The following MRO variants were observed in gnomAD, a reference collection of about 807,000 sequenced individuals.
MRO encodes the protein maestro, also known as protein maestro.
In MRO, 28 loss-of-function variants were observed where a neutral mutation model predicts 31.0. The ratio of observed to expected loss-of-function variants is 0.90; its 90% CI spans 0.67 to 1.24. MRO has a LOEUF of 1.24. Among genes scored for constraint, MRO ranks in the 50% most tolerant of loss-of-function variants. The probability of loss-of-function intolerance (pLI) is 0.00; values close to 1 mark genes in which losing one functional copy is unlikely to be tolerated. For synonymous variants in MRO, 108 were observed against 108.4 expected, an observed-to-expected ratio of 1.00 and a Z score of 0.02; for missense variants, 332 against 289.2, an observed-to-expected ratio of 1.15 and a Z score of -1.07.
At chr18:50,808,655 C>T (rs970571948) in intron 3 of MRO, among the ~76,000 whole-genome samples, 5 of 151,376 alleles carry the variant, frequency 3.3e-5, no homozygotes, top group Admixed American at 3.3e-4. Flanking sequence ...CAGGGTTTTG[C>T]CACGTTGCCG....
intron 2 of MRO, among the ~76,000 whole-genome samples, chr18:50,814,125 G>A (rs569292839): frequency 2.6e-5 from 4 of 152,230 alleles, no homozygotes; most frequent in East Asian, 3.9e-4. Context: ...GATCAGAGCC[G>A]ACAGGTGCCT....
At chr18:50,807,506 C>G (rs373974275) in intron 3 of MRO, among the ~76,000 whole-genome samples, 1 of 87,136 alleles carries the variant, frequency 1.1e-5, no homozygotes. Context: ...AACATTTCAG[C>G]ACTGATCTAG....
At chr18:50,823,380 C>T (rs546420449), upstream of MRO, among the ~76,000 whole-genome samples, 2 of 152,332 alleles carry the variant, frequency 1.3e-5, no homozygotes, top group East Asian at 3.9e-4. Context: ...AGGAGCGCCC[C>T]GTGGCCTAGG....
chr18:50,795,618 C>T lies in MRO; in HGVS notation c.*3719G>A, dbSNP rs1281388135. The stretch of plus-strand genomic sequence containing the variant: ...TCCTTTGTCATTTTCTCTCCTCTCT[C>T]TCCACCACTTCCCTCTCCCCTTTAA... On this transcript the variant is annotated 3_prime_UTR_variant, in exon 8 of 8. Coordinates refer to ENST00000398439, the MANE Select transcript of MRO (RefSeq NM_031939.6). 6.6e-6 allele frequency: 1 copy of T among 152,320 alleles called. No homozygotes were observed. The highest frequency in any genetic ancestry group is 2.4e-5 in the African/African-American group (1 of 41,444). The allele number at this position is 152,320 out of a possible 1,614,324, so 9.4% of individuals were successfully genotyped here.
intron 4 of MRO, among the ~76,000 whole-genome samples, chr18:50,805,686 C>T (rs954822996): frequency 2.6e-5 from 4 of 151,722 alleles, no homozygotes; most frequent in Non-Finnish European, 4.4e-5. Context: ...CTGAAGTTGG[C>T]GGATGGTAAA....
chr18:50,820,213 G>T, upstream of MRO: 1 of 564,730 alleles, frequency 1.8e-6, no homozygotes, highest in South Asian at 2.1e-5. Context: ...TCCATGCCAA[G>T]CAGCCTCATC....
At chr18:50,802,434 C>A (rs146454272) in intron 5 of MRO, among the ~76,000 whole-genome samples, 1 of 152,330 alleles carries the variant, frequency 6.6e-6, no homozygotes, top group East Asian at 1.9e-4. Context: ...ACTTAAGGAA[C>A]TTGCCCAAAA....
intron 3 of MRO, among the ~76,000 whole-genome samples, chr18:50,808,149 G>T (rs1488042986): frequency 6.6e-6 from 1 of 152,136 alleles, no homozygotes; most frequent in East Asian, 1.9e-4. Flanking sequence ...CCAGGGATGG[G>T]GCAAGAGATA....
intron 2 of MRO, chr18:50,815,570 G>A (rs1453275268): frequency 6.8e-6 from 2 of 294,990 alleles, no homozygotes; most frequent in Non-Finnish European, 1.4e-5. Flanking sequence ...AATTTTGGTG[G>A]TGGTAACTAT....
chr18:50,821,142 G>A (rs1915286700), upstream of MRO, among the ~76,000 whole-genome samples: 1 of 152,200 alleles, frequency 6.6e-6, no homozygotes, highest in African/African-American at 2.4e-5. Flanking sequence ...AAGCATTTTG[G>A]TTTTCTTGTG....
At chr18:50,814,885 C>A (rs899030439) in intron 2 of MRO, 3 of 153,594 alleles carry the variant, frequency 2.0e-5, no homozygotes, top group Non-Finnish European at 4.3e-5. Flanking sequence ...CATGGTGAAA[C>A]CCCCGTCTCT....
chr18:50,814,628 C>A, intron 2 of MRO: 1 of 213,144 alleles, frequency 4.7e-6, no homozygotes, highest in Non-Finnish European at 1.0e-5. Context: ...GAACCAAAGA[C>A]AGCTGTCTCT....
At chr18:50,806,995 G>T in intron 3 of MRO, 145 bp from the exon 4 acceptor site, 1 of 783,776 alleles carries the variant, frequency 1.3e-6, no homozygotes, top group Non-Finnish European at 2.0e-6. Context: ...GCTGGGTTTT[G>T]TTGGAAATGT....
At chr18:50,806,998 G>A (rs1307989508) in intron 3 of MRO, 148 bp from the exon 4 acceptor site, 6 of 744,308 alleles carry the variant, frequency 8.1e-6, no homozygotes, top group Admixed American at 2.7e-5. Context: ...GGGTTTTGTT[G>A]GAAATGTACT....
At chr18:50,809,497 A>G in intron 2 of MRO, 93 bp from the exon 3 acceptor site, 3 of 820,544 alleles carry the variant, frequency 3.7e-6, no homozygotes, top group Admixed American at 2.5e-5. Context: ...GTAAGAATAT[A>G]AAGAGGCAGC....
intron 5 of MRO, 88 bp downstream of exon 5, chr18:50,805,066 C>T (rs939897670): frequency 2.7e-5 from 30 of 1,126,224 alleles, no homozygotes; most frequent in Admixed American, 2.1e-4. Context: ...GCTGAGATTA[C>T]AGGCATGAGC....
intron 2 of MRO, 77 bp downstream of exon 2, chr18:50,819,504 G>C: frequency 6.6e-7 from 1 of 1,526,466 alleles, no homozygotes; most frequent in African/African-American, 1.4e-5. Context: ...TGACATTCCA[G>C]AAAGGTTTTG....
intron 5 of MRO, among the ~76,000 whole-genome samples, chr18:50,803,232 C>T (rs1383871618): frequency 6.6e-6 from 1 of 152,120 alleles, no homozygotes; most frequent in Non-Finnish European, 1.5e-5. Context: ...GGTTGAAGGC[C>T]AGACACATGT....
Position 50,818,760 on chromosome 18 carries a change from G to T in MRO, c.-5+821C>A, listed in dbSNP as rs9946298. 1.6e-3 allele frequency among the ~76,000 whole-genome samples: 237 copies of T among 152,260 alleles called. 2 individuals carry two copies. The highest frequency in any genetic ancestry group is 5.1e-3 in the African/African-American group (212 of 41,534). Reference sequence around the variant, plus strand: ...TCCTTCCAACACTGAACTTATAAATGACAATAGTAGGCTGCGTGTGGTGGC... The same window carrying T: ...TCCTTCCAACACTGAACTTATAAATTACAATAGTAGGCTGCGTGTGGTGGC... On this transcript the variant is annotated intron_variant, in intron 2 of 7. Coordinates refer to ENST00000398439, the MANE Select transcript of MRO (RefSeq NM_031939.6).
Sources: allele counts gnomAD v4.1 joint callset (sites outside exome capture counted in the v4.1 genomes callset), GRCh38; gene constraint gnomAD v4.1.1; transcripts MANE v1.5; gene names NCBI Gene and HGNC (gene_info 2026-07-23, HGNC 2026-07-21).